The following MYOCD variants were observed in gnomAD, a reference collection of about 807,000 sequenced individuals.
MYOCD encodes the protein myocardin.
MYOCD carries 32 observed loss-of-function variants against 96.1 expected under a neutral mutation model. The ratio of observed to expected loss-of-function variants is 0.33; its 90% CI spans 0.25 to 0.45. The LOEUF is 0.45. MYOCD is among the 20% of genes least tolerant of loss of function. The pLI is 1.00. For missense variants in MYOCD, 1,133 were observed against 1,200.6 expected (o/e 0.94, Z 0.83); for synonymous variants, 469 against 469.0 (o/e 1.00, Z 0.00).
chr17:12,679,004 A>G (rs972224724), intron 1 of MYOCD, among the ~76,000 whole-genome samples: 25 of 152,082 alleles, frequency 1.6e-4, no homozygotes, highest in African/African-American at 5.3e-4. Context: ...GTTTCCAGAA[A>G]CATTAAGAAA....
At chr17:12,675,939 T>G (rs553258871) in intron 1 of MYOCD, among the ~76,000 whole-genome samples, 1 of 152,330 alleles carries the variant, frequency 6.6e-6, no homozygotes, top group Admixed American at 6.5e-5. Context: ...GTAGAACTGT[T>G]CATTATGGTA....
In MYOCD at chr17:12,715,533, G is replaced by C. The variant is rs1319301690; in HGVS notation, c.136G>C (p.Ala46Pro). The C allele has an allele frequency of 8.7e-6, 14 of 1,613,542 alleles. No individual in the cohort carries two copies. Among genetic ancestry groups the C allele is most frequent in the Non-Finnish European group, 1.2e-5 (14 of 1,179,714 alleles). Residue 46 changes from alanine to proline, a missense_variant, in exon 3 of 14, where the codon GCT becomes CCT. Transcript: ENST00000425538. ...QGIIPPLKRP[A>P]EFHEQRKHLD... ...TTCTGTTTCAGCACTGAAACGTCCAGCTGAATTCCATGAGCAAAGAAAACA... is the reference window on the plus strand; with the variant it reads ...TTCTGTTTCAGCACTGAAACGTCCACCTGAATTCCATGAGCAAAGAAAACA...
In MYOCD at chr17:12,752,444, C is replaced by T. The variant is rs1223487586; in HGVS notation, c.1156C>T (p.Arg386Trp). ...TGAATTAAGACAACAGCTTCGAATT[C>T]GGGGCTTGCCTGTGTCAGGCACCAA... ...VSELRQQLRI[R>W]GLPVSGTKTA... The change falls in exon 10 of 14, where the codon CGG becomes TGG. Residue 386 changes from arginine (R) to tryptophan (W), a missense_variant. By Grantham distance (101) the Arg-to-Trp change is moderately radical (BLOSUM62 -3). Transcript: ENST00000425538. 4 of 1,612,644 alleles carry T rather than the reference C, an allele frequency of 2.5e-6. No individual in the cohort carries two copies. The highest frequency in any genetic ancestry group is 1.3e-5 in the African/African-American group (1 of 74,868).
chr17:12,732,396 C>T (rs950187922), intron 5 of MYOCD, among the ~76,000 whole-genome samples: 5 of 152,120 alleles, frequency 3.3e-5, no homozygotes, highest in African/African-American at 4.8e-5. Context: ...TCCTGTCCAC[C>T]GCTGACAGTC....
At chr17:12,686,110 C>T (rs10491101) in intron 1 of MYOCD, among the ~76,000 whole-genome samples, 7,424 of 152,260 alleles carry the variant, frequency 0.049, 320 homozygotes, top group Admixed American at 0.1. Flanking sequence ...ATTAAGAACT[C>T]TTACAAGAAA....
chr17:12,733,619 G>A (rs1257887108), intron 5 of MYOCD, among the ~76,000 whole-genome samples: 3 of 152,154 alleles, frequency 2.0e-5, no homozygotes, highest in East Asian at 3.9e-4. Context: ...TGTAATCCCA[G>A]CACTTTGGGA....
intron 1 of MYOCD, among the ~76,000 whole-genome samples, chr17:12,696,190 G>A (rs1199092136): frequency 6.6e-6 from 1 of 151,906 alleles, no homozygotes; most frequent in Non-Finnish European, 1.5e-5. Context: ...ATGTTGACGA[G>A]GATGGTCTTA....
At chr17:12,696,257 T>C (rs1050352695) in intron 1 of MYOCD, among the ~76,000 whole-genome samples, 1 of 152,036 alleles carries the variant, frequency 6.6e-6, no homozygotes, top group Non-Finnish European at 1.5e-5. Context: ...GGATTACAAG[T>C]GTGAGCCACT....
chr17:12,760,097 C>T (rs560564222), intron 12 of MYOCD: 1 of 154,850 alleles, frequency 6.5e-6, no homozygotes, highest in African/African-American at 2.4e-5. Context: ...AGAAACAACC[C>T]ATATGTTCAT....
Position 12,763,079 on chromosome 17 carries a change from C to T in MYOCD, c.2396C>T (p.Pro799Leu). Residue 799 changes from proline (P) to leucine (L), a missense_variant, in exon 14 of 14, where the codon CCA (proline) becomes CTA (leucine). Physicochemically the swap from Pro to Leu is moderately conservative, Grantham distance 98. Coordinates refer to ENST00000425538, the MANE Select transcript of MYOCD (RefSeq NM_001146312.3). ...CATCGTGTATTGCCCACAGAAATGC[C>T]AGCAGACGCTAGAGAGGATCACTCA... Reference protein sequence around the residue: ...LDVLIESGEMPADAREDHSCL... With the variant: ...LDVLIESGEMLADAREDHSCL... The T allele has an allele frequency of 6.2e-7, 1 of 1,603,836 alleles. No homozygotes were observed. The highest frequency in any genetic ancestry group is 8.5e-7 in the Non-Finnish European group (1 of 1,175,890).
At position 12,672,673 on chromosome 17, in the gene MYOCD, A is replaced by G. The variant is rs185886139; in HGVS notation, c.55+6430A>G. Among the ~76,000 whole-genome samples the G allele has an allele frequency of 2.6e-5, 4 of 152,264 alleles. No homozygotes were observed. The East Asian group carries it at 7.7e-4, about 29-fold the overall frequency. Reference sequence around the variant, plus strand: ...GGAAGATAAGTTCTTTCTTTTCACTATTGGGGTACTTCTCTTATGAGTACA... The same window carrying G: ...GGAAGATAAGTTCTTTCTTTTCACTGTTGGGGTACTTCTCTTATGAGTACA... On this transcript the variant is annotated intron_variant, in intron 1 of 13. Coordinates refer to ENST00000425538, the MANE Select transcript of MYOCD (RefSeq NM_001146312.3).
At chr17:12,760,731 A>G in intron 13 of MYOCD, 24 bp downstream of exon 13, 2 of 1,590,152 alleles carry the variant, frequency 1.3e-6, no homozygotes, top group South Asian at 1.1e-5. Flanking sequence ...TGTCCTGTCC[A>G]TTAGGACATT....
intron 1 of MYOCD, among the ~76,000 whole-genome samples, chr17:12,697,600 C>T (rs933587030): frequency 6.6e-6 from 1 of 151,602 alleles, no homozygotes; most frequent in African/African-American, 2.4e-5. Flanking sequence ...CTGACCTCGT[C>T]TCGGCCTCCC....
chr17:12,755,330 G>A (rs1310110819), intron 10 of MYOCD, among the ~76,000 whole-genome samples: 3 of 152,150 alleles, frequency 2.0e-5, no homozygotes. Context: ...TAAAGAACAG[G>A]CCAGGCGCAC....
Position 12,763,904 on chromosome 17 carries a change from G to T in MYOCD, c.*260G>T, listed in dbSNP as rs1275089918. The stretch of plus-strand genomic sequence containing the variant: ...TTCTCAGATTAAGGATGCCAAAAAA[G>T]ATATTTCACTGCCTTTTCAAAGACC... On this transcript the variant is annotated 3_prime_UTR_variant, in exon 14 of 14. Transcript: ENST00000425538. 1.4e-5 allele frequency: 5 copies of T among 345,728 alleles called. No homozygotes were observed. The highest frequency in any genetic ancestry group is 1.7e-4 in the South Asian group (2 of 11,930). The allele number at this position is 345,728 out of a possible 1,614,324, so 21.4% of individuals were successfully genotyped here.
intron 9 of MYOCD, among the ~76,000 whole-genome samples, chr17:12,750,331 G>C (rs1456872397): frequency 6.6e-6 from 1 of 152,156 alleles, no homozygotes; most frequent in Non-Finnish European, 1.5e-5. Flanking sequence ...CCCAGGCGAT[G>C]CTGATGTTGC....
In MYOCD at chr17:12,752,480, A is replaced by C. The variant is rs747791727; in HGVS notation, c.1192A>C (p.Met398Leu). The change falls in exon 10 of 14, where the codon ATG (methionine) becomes CTG (leucine). Residue 398 changes from methionine to leucine, a missense_variant. Physicochemically the swap from Met to Leu is conservative, Grantham distance 15 (BLOSUM62 2). Coordinates refer to ENST00000425538, the MANE Select transcript of MYOCD (RefSeq NM_001146312.3). ...TGTGTCAGGCACCAAAACGGCTCTC[A>C]TGGACCGGCTTCGACCCTTCCAGGA... is the stretch of plus-strand genomic sequence containing the variant. The part of the protein sequence containing the change: ...LPVSGTKTAL[M>L]DRLRPFQDCS... 4.3e-6 allele frequency: 7 copies of C among 1,613,980 alleles called. No individual in the cohort carries two copies. Among genetic ancestry groups the C allele is most frequent in the Non-Finnish European group, 5.1e-6 (6 of 1,179,954 alleles).
At chr17:12,714,527 A>G (rs939054345) in intron 2 of MYOCD, among the ~76,000 whole-genome samples, 1 of 152,242 alleles carries the variant, frequency 6.6e-6, no homozygotes. Context: ...AAATCAATGC[A>G]AGTCTGTAAC....
chr17:12,685,473 G>T (rs1365863497), intron 1 of MYOCD, among the ~76,000 whole-genome samples: 1 of 152,062 alleles, frequency 6.6e-6, no homozygotes, highest in African/African-American at 2.4e-5. Context: ...GGGTGTGGTG[G>T]TGCATGCCTG....
Sources: gnomAD v4.1 joint callset for allele counts (sites outside exome capture counted in the v4.1 genomes callset) on GRCh38, gnomAD v4.1.1 for gene constraint, MANE v1.5 for transcripts, NCBI Gene and HGNC (gene_info 2026-07-23, HGNC 2026-07-21) for gene names.